SYNRG: variants seen among roughly 807,000 people sequenced by gnomAD.
The protein encoded by SYNRG is AP1 gamma subunit binding protein 1.
SYNRG carries 37 observed loss-of-function variants against 130.9 expected under a neutral mutation model. That is an observed-to-expected ratio of 0.28 (90% CI 0.22 to 0.37). The LOEUF (loss-of-function observed/expected upper bound fraction) is 0.37, where lower values mean the gene tolerates loss of function less well. Among genes scored for constraint, SYNRG ranks in the 10% least tolerant of loss-of-function variants. The pLI is 1.00. For synonymous variants in SYNRG, 539 were observed against 568.1 expected, an observed-to-expected ratio of 0.95 and a Z score of 0.73; for missense variants, 1,338 against 1,588.9, an observed-to-expected ratio of 0.84 and a Z score of 2.68.
At chr17:37,536,366 G>C in intron 18 of SYNRG, 1 of 513,546 alleles carries the variant, frequency 1.9e-6, no homozygotes, top group Non-Finnish European at 3.4e-6. Flanking sequence ...CTGGCTACAT[G>C]ACCTTAGGCA....
intron 6 of SYNRG, chr17:37,579,103 A>G: frequency 2.7e-6 from 3 of 1,122,454 alleles, no homozygotes; most frequent in South Asian, 2.2e-5. Flanking sequence ...TATCTTAAGA[A>G]TATTTTCATT....
chr17:37,527,466 T>C (rs2144131883), intron 19 of SYNRG, among the ~76,000 whole-genome samples: 2 of 152,238 alleles, frequency 1.3e-5, no homozygotes, highest in South Asian at 4.1e-4. Flanking sequence ...TCTTAGTCCA[T>C]GGATAAAGAG....
chr17:37,519,126 G>A (rs1598004658), intron 21 of SYNRG, 55 bp from the exon 22 acceptor site: 2 of 1,590,064 alleles, frequency 1.3e-6, no homozygotes, highest in Non-Finnish European at 1.7e-6. Context: ...GCATCTCAGA[G>A]CTTTTCAGCA....
chr17:37,564,407 A>T (rs1439314767), intron 11 of SYNRG, among the ~76,000 whole-genome samples: 1 of 152,200 alleles, frequency 6.6e-6, no homozygotes, highest in Non-Finnish European at 1.5e-5. Flanking sequence ...AATTCTCATC[A>T]TCTCACAGCA....
chr17:37,568,362 GTGAA>G (rs2060154276), intron 11 of SYNRG: 1 of 153,694 alleles, frequency 6.5e-6, no homozygotes, highest in African/African-American at 2.4e-5. Flanking sequence ...TACAAGAAAT[GTGAA>G]TGAATATGAT....
At chr17:37,582,945 G>A (rs1249260722) in intron 6 of SYNRG, among the ~76,000 whole-genome samples, 2 of 151,810 alleles carry the variant, frequency 1.3e-5, no homozygotes, top group African/African-American at 2.4e-5. Context: ...TGCCTTTGGT[G>A]GTAGAATGGC....
At chr17:37,554,495 C>T (rs2058954558) in intron 13 of SYNRG, among the ~76,000 whole-genome samples, 1 of 152,090 alleles carries the variant, frequency 6.6e-6, no homozygotes, top group Non-Finnish European at 1.5e-5. Context: ...TTAAAAAAAT[C>T]AGAGGTACCA....
chr17:37,516,760 G>C lies in SYNRG; in HGVS notation c.*2180C>G, dbSNP rs893283125. The C allele has an allele frequency of 2.6e-5, 4 of 151,338 alleles. No individual in the cohort carries two copies. The highest frequency in any genetic ancestry group is 5.9e-5 in the Non-Finnish European group (4 of 67,976). 9.4% of individuals were successfully genotyped at this position (151,338 alleles called of 1,614,324 possible). A position where few individuals can be genotyped will look rare whatever the true frequency, so the allele number is the denominator to read the frequency against. ...CCTGGACTTGTGATCTCCCGCCTCA[G>C]CTTACCTAGTAGCTGGGACCACGAA... On this transcript the variant is annotated 3_prime_UTR_variant, in exon 22 of 22. Coordinates refer to ENST00000612223, the MANE Select transcript of SYNRG (RefSeq NM_007247.6).
chr17:37,588,741 CTT>C (rs36030652), intron 3 of SYNRG, among the ~76,000 whole-genome samples: 2 of 144,102 alleles, frequency 1.4e-5, no homozygotes, highest in Non-Finnish European at 3.1e-5. Context: ...TAGAATTATT[CTT>C]TTTTTTTTTT....
At chr17:37,586,835 T>C (rs1255659355) in intron 3 of SYNRG, among the ~76,000 whole-genome samples, 3 of 152,194 alleles carry the variant, frequency 2.0e-5, no homozygotes, top group Non-Finnish European at 2.9e-5. Flanking sequence ...TGGTGTGTTA[T>C]GGAACTATAT....
At chr17:37,545,859 G>A (rs1051677633) in intron 14 of SYNRG, among the ~76,000 whole-genome samples, 4 of 152,096 alleles carry the variant, frequency 2.6e-5, no homozygotes, top group African/African-American at 7.2e-5. Context: ...AAGTAATTTC[G>A]TAAAGTGTAA....
chr17:37,559,461 G>A (rs1230948139), intron 13 of SYNRG, among the ~76,000 whole-genome samples: 1 of 152,150 alleles, frequency 6.6e-6, no homozygotes, highest in South Asian at 2.1e-4. Context: ...AGGCCGAGGC[G>A]GGCAGATCAC....
At chr17:37,528,023 A>G (rs962962144) in intron 19 of SYNRG, among the ~76,000 whole-genome samples, 8 of 152,200 alleles carry the variant, frequency 5.3e-5, no homozygotes, top group Admixed American at 3.3e-4. Context: ...ATGGGAAGAA[A>G]TAAGTCATTT....
chr17:37,528,759 C>T (rs2056265851), intron 19 of SYNRG, among the ~76,000 whole-genome samples: 1 of 152,206 alleles, frequency 6.6e-6, no homozygotes, highest in South Asian at 2.1e-4. Context: ...GTAAAGGCTT[C>T]TTCATGACAA....
At chr17:37,593,958 CTT>C (rs1381141210) in intron 3 of SYNRG, among the ~76,000 whole-genome samples, 1 of 151,368 alleles carries the variant, frequency 6.6e-6, no homozygotes, top group Non-Finnish European at 1.5e-5. Flanking sequence ...AAGAAAAAGA[CTT>C]TGGCTGCTTT....
At chr17:37,549,734 G>A (rs187962101) in intron 14 of SYNRG, among the ~76,000 whole-genome samples, 177 of 152,200 alleles carry the variant, frequency 1.2e-3, no homozygotes, top group African/African-American at 3.7e-3. Flanking sequence ...GGGACTACAG[G>A]AGCCCACCAC....
chr17:37,528,164 G>A (rs764122212), intron 19 of SYNRG, among the ~76,000 whole-genome samples: 7 of 152,200 alleles, frequency 4.6e-5, no homozygotes, highest in Non-Finnish European at 7.3e-5. Flanking sequence ...TTCTTCACCT[G>A]TAAAACTGAA....
chr17:37,581,097 T>G (rs1432535768), intron 6 of SYNRG, among the ~76,000 whole-genome samples: 1 of 152,156 alleles, frequency 6.6e-6, no homozygotes, highest in Non-Finnish European at 1.5e-5. Flanking sequence ...GCCTGAAGAC[T>G]ACAACTACCT....
chr17:37,548,309 A>G (rs186868482), intron 14 of SYNRG, among the ~76,000 whole-genome samples: 3 of 152,358 alleles, frequency 2.0e-5, no homozygotes, highest in Non-Finnish European at 2.9e-5. Flanking sequence ...TAGGAAGCAC[A>G]TATCATAAAT....
Sources: gnomAD v4.1 joint callset for allele counts (sites outside exome capture counted in the v4.1 genomes callset) on GRCh38, gnomAD v4.1.1 for gene constraint, MANE v1.5 for transcripts, NCBI Gene and HGNC (gene_info 2026-07-23, HGNC 2026-07-21) for gene names.